The following KIF6 variants were observed in gnomAD, a reference collection of about 807,000 sequenced individuals.
KIF6 encodes the protein kinesin family member 6, also known as kinesin-like protein KIF6.
A neutral mutation model predicts 112.7 loss-of-function variants in KIF6; 106 were observed. The ratio of observed to expected loss-of-function variants is 0.94; its 90% CI spans 0.80 to 1.11. The LOEUF is 1.11. KIF6 is among the 50% of genes least tolerant of loss of function. The probability of loss-of-function intolerance (pLI) is 0.00; values close to 1 mark genes in which losing one functional copy is unlikely to be tolerated. For synonymous variants in KIF6, 339 were observed against 339.9 expected, an observed-to-expected ratio of 1.00 and a Z score of 0.03; for missense variants, 929 against 964.0, an observed-to-expected ratio of 0.96 and a Z score of 0.48.
chr6:39,563,068 C>T (rs1780093419), intron 10 of KIF6, among the ~76,000 whole-genome samples: 1 of 152,066 alleles, frequency 6.6e-6, no homozygotes, highest in African/African-American at 2.4e-5. Context: ...TGGTGAAACA[C>T]CATCTCTACC....
intron 3 of KIF6, among the ~76,000 whole-genome samples, chr6:39,666,586 C>T (rs1462860456): frequency 6.6e-6 from 1 of 152,178 alleles, no homozygotes; most frequent in Non-Finnish European, 1.5e-5. Flanking sequence ...TAATTCACCA[C>T]CTAGTGTGTT....
chr6:39,613,304 A>G lies in KIF6; in HGVS notation c.524T>C (p.Leu175Pro). 2 of 1,589,978 alleles carry G rather than the reference A, an allele frequency of 1.3e-6. No homozygotes were observed. The highest frequency in any genetic ancestry group is 1.4e-5 in the African/African-American group (1 of 73,432). Residue 175 changes from leucine (L) to proline (P), a missense_variant, in exon 6 of 23, where the codon CTG (leucine) becomes CCG (proline). Coordinates refer to ENST00000287152, the MANE Select transcript of KIF6 (RefSeq NM_145027.6). ...GTGAATGTTCTGATCAGGATCCTCC[A>G]GTATTGTCACTTTCCTAAGCAAATG... ...SLEDLPKVTI[L>P]EDPDQNIHLK...
intron 5 of KIF6, among the ~76,000 whole-genome samples, chr6:39,634,298 G>T (rs12193205): frequency 0.021 from 3,196 of 152,216 alleles, 38 homozygotes; most frequent in Non-Finnish European, 0.033. Flanking sequence ...AGGGTAACTT[G>T]CTCCATTATT....
chr6:39,579,268 AT>A (rs2150642099), intron 9 of KIF6, among the ~76,000 whole-genome samples: 1 of 152,146 alleles, frequency 6.6e-6, no homozygotes, highest in East Asian at 1.9e-4. Flanking sequence ...CATTTTGCCA[AT>A]CTGTTAGGTG....
intron 3 of KIF6, among the ~76,000 whole-genome samples, chr6:39,708,041 T>C (rs926890742): frequency 5.3e-5 from 8 of 152,230 alleles, no homozygotes; most frequent in Non-Finnish European, 1.2e-4. Flanking sequence ...CTCCCTATTC[T>C]GTCCTCCTTG....
At chr6:39,603,988 G>C (rs1782731413) in intron 6 of KIF6, among the ~76,000 whole-genome samples, 1 of 152,032 alleles carries the variant, frequency 6.6e-6, no homozygotes, top group Admixed American at 6.6e-5. Context: ...CGATTGAACA[G>C]GACATTATAA....
chr6:39,593,660 A>G (rs1782073166), intron 7 of KIF6, among the ~76,000 whole-genome samples: 1 of 152,188 alleles, frequency 6.6e-6, no homozygotes, highest in Non-Finnish European at 1.5e-5. Flanking sequence ...TGACATGTGA[A>G]TGTCATTGAG....
At chr6:39,700,362 G>GC (rs1788811327) in intron 3 of KIF6, among the ~76,000 whole-genome samples, 1 of 152,178 alleles carries the variant, frequency 6.6e-6, no homozygotes, top group African/African-American at 2.4e-5. Context: ...GTAAATTTCT[G>GC]TAAATTACTT....
intron 10 of KIF6, among the ~76,000 whole-genome samples, chr6:39,549,442 G>A (rs561785730): frequency 5.9e-5 from 9 of 152,264 alleles, no homozygotes; most frequent in African/African-American, 1.7e-4. Flanking sequence ...CATGTCATAG[G>A]TGAGGAAACT....
At chr6:39,613,779 G>A (rs867982066) in intron 5 of KIF6, among the ~76,000 whole-genome samples, 16 of 152,014 alleles carry the variant, frequency 1.1e-4, no homozygotes, top group African/African-American at 3.1e-4. Context: ...CAACTTAAAC[G>A]TGATGAAAAT....
chr6:39,442,216 G>T (rs548354799), intron 13 of KIF6, among the ~76,000 whole-genome samples: 1 of 152,128 alleles, frequency 6.6e-6, no homozygotes, highest in East Asian at 1.9e-4. Context: ...CACCTGCTGC[G>T]GCTGCCTCCT....
At chr6:39,599,603 C>A (rs1582238560) in intron 6 of KIF6, among the ~76,000 whole-genome samples, 1 of 152,162 alleles carries the variant, frequency 6.6e-6, no homozygotes, top group South Asian at 2.1e-4. Flanking sequence ...GCATGTAAAA[C>A]CGCAAACTCA....
At chr6:39,519,629 C>G (rs1369922754) in intron 13 of KIF6, among the ~76,000 whole-genome samples, 2 of 151,904 alleles carry the variant, frequency 1.3e-5, no homozygotes, top group Non-Finnish European at 2.9e-5. Flanking sequence ...ATGGATGGAA[C>G]AAAGAGTAGA....
rs978436738 is a variant in KIF6, at chr6:39,474,072, T to A, written c.1646-42911A>T. 2.0e-5 allele frequency among the ~76,000 whole-genome samples: 3 copies of A among 152,326 alleles called. No homozygotes were observed. The South Asian group carries it at 6.2e-4, about 32-fold the overall frequency. On this transcript the variant is annotated intron_variant, in intron 13 of 22. Transcript: ENST00000287152. ...GCTTCCTGTTATTTCCATGTGACTG[T>A]GTAGAAAAATTAATATCTGAAAATA...
chr6:39,719,273 T>C (rs1790060588), intron 2 of KIF6, among the ~76,000 whole-genome samples: 1 of 151,704 alleles, frequency 6.6e-6, no homozygotes, highest in Non-Finnish European at 1.5e-5. Flanking sequence ...GAGCCAAGAC[T>C]GCGCCATTGC....
chr6:39,421,118 T>C (rs1388594811), intron 14 of KIF6, among the ~76,000 whole-genome samples: 2 of 152,180 alleles, frequency 1.3e-5, no homozygotes, highest in African/African-American at 2.4e-5. Context: ...AAGCACCTAA[T>C]AGATAGCTGA....
At chr6:39,407,660 A>G (rs1028524434) in intron 15 of KIF6, among the ~76,000 whole-genome samples, 1 of 152,246 alleles carries the variant, frequency 6.6e-6, no homozygotes, top group African/African-American at 2.4e-5. Flanking sequence ...TCTTTACCTC[A>G]TTACGAAACA....
At chr6:39,346,132 C>CCTCT (rs779814201) in intron 20 of KIF6, among the ~76,000 whole-genome samples, 904 of 26,888 alleles carry the variant, frequency 0.034, 67 homozygotes, top group African/African-American at 0.11. Context: ...CCTCCCTCTC[C>CCTCT]CTCTCTCTCT....
At chr6:39,446,081 G>T (rs978477562) in intron 13 of KIF6, among the ~76,000 whole-genome samples, 4 of 152,194 alleles carry the variant, frequency 2.6e-5, no homozygotes, top group Admixed American at 2.6e-4. Context: ...GTTCAGTGGT[G>T]GGGGAAAGGA....
Sources: gnomAD v4.1 joint callset for allele counts (sites outside exome capture counted in the v4.1 genomes callset) on GRCh38, gnomAD v4.1.1 for gene constraint, MANE v1.5 for transcripts, NCBI Gene and HGNC (gene_info 2026-07-23, HGNC 2026-07-21) for gene names.